TPRG1: variants seen among roughly 807,000 people sequenced by gnomAD.
TPRG1 encodes tumor protein p63-regulated gene 1 protein.
A neutral mutation model predicts 29.3 loss-of-function variants in TPRG1; 29 were observed. The ratio of observed to expected loss-of-function variants is 0.99; its 90% CI spans 0.74 to 1.35. TPRG1 has a LOEUF of 1.35. TPRG1 is among the 40% of genes most tolerant of loss of function. The pLI is 0.00. For missense variants in TPRG1, 327 were observed against 335.0 expected (o/e 0.98, Z 0.19); for synonymous variants, 130 against 116.8 (o/e 1.11, Z -0.73).
chr3:189,103,531 T>C (rs1719451690), intron 1 of TPRG1, among the ~76,000 whole-genome samples: 1 of 152,202 alleles, frequency 6.6e-6, no homozygotes, highest in Non-Finnish European at 1.5e-5. Flanking sequence ...CATGTGTCCT[T>C]ATGAAATATT....
At chr3:189,021,318 T>C (rs1229137918) in intron 3 of TPRG1, among the ~76,000 whole-genome samples, 1 of 151,854 alleles carries the variant, frequency 6.6e-6, no homozygotes, top group Non-Finnish European at 1.5e-5. Flanking sequence ...TGCAGTTTCT[T>C]CCTAGTCTCG....
At chr3:189,146,564 G>A (rs931740096) in intron 3 of TPRG1, among the ~76,000 whole-genome samples, 1 of 152,118 alleles carries the variant, frequency 6.6e-6, no homozygotes, top group African/African-American at 2.4e-5. Context: ...TCTGTCTGTT[G>A]TATCTTGTAC....
chr3:189,006,389 C>T (rs551618909), intron 3 of TPRG1, among the ~76,000 whole-genome samples: 2 of 152,216 alleles, frequency 1.3e-5, no homozygotes, highest in South Asian at 4.1e-4. Flanking sequence ...ATAAATGATG[C>T]AATACAGGCA....
rs566818155 is a variant in TPRG1 at position 189,028,403 on chromosome 3, A to T, written c.-463+4457A>T. Among the ~76,000 whole-genome samples, 3 of 152,320 alleles carry T rather than the reference A, an allele frequency of 2.0e-5. No individual in the cohort carries two copies. In the South Asian group the frequency reaches 6.2e-4, roughly 32 times the overall value. On this transcript the variant is annotated intron_variant, in intron 4 of 10. Transcript: ENST00000433971. ...CAATAGTGTCACAACTATTTCTTCT[A>T]TGGGGGACAGGGTCACTTTTGCTGT...
At chr3:189,057,184 T>G (rs1223320857) in intron 4 of TPRG1, among the ~76,000 whole-genome samples, 1 of 152,166 alleles carries the variant, frequency 6.6e-6, no homozygotes, top group Non-Finnish European at 1.5e-5. Flanking sequence ...GAATCCAAAA[T>G]TGTTTCATAC....
chr3:189,003,972 C>A (rs553658431), intron 2 of TPRG1, among the ~76,000 whole-genome samples: 2 of 152,054 alleles, frequency 1.3e-5, no homozygotes, highest in Admixed American at 6.6e-5. Context: ...ATGGCCCTTG[C>A]CCCTGATTAA....
intron 4 of TPRG1, among the ~76,000 whole-genome samples, chr3:189,080,900 G>C (rs1717548528): frequency 6.6e-6 from 1 of 152,076 alleles, no homozygotes; most frequent in South Asian, 2.1e-4. Flanking sequence ...GTGGCATGCA[G>C]GGTAGATTTG....
chr3:189,026,952 A>T lies in TPRG1; in HGVS notation c.-463+3006A>T, dbSNP rs567981855. On this transcript the variant is annotated intron_variant, in intron 4 of 10. Coordinates refer to the TPRG1 transcript ENST00000433971. ...ATGACTTGTGCCACTTATATATATC[A>T]ATAACTTTAGAAAAATGTCTTTATT... Among the ~76,000 whole-genome samples, 5 of 152,304 alleles carry T rather than the reference A, an allele frequency of 3.3e-5. No individual in the cohort carries two copies. The South Asian group carries it at 1.0e-3, about 32-fold the overall frequency.
intron 4 of TPRG1, among the ~76,000 whole-genome samples, chr3:189,288,938 C>T (rs1033161455): frequency 9.2e-5 from 14 of 152,160 alleles, no homozygotes; most frequent in African/African-American, 2.9e-4. Context: ...TGTATCTGTA[C>T]GTGAGCCTTT....
chr3:189,085,053 T>C (rs1717841922), intron 4 of TPRG1, among the ~76,000 whole-genome samples: 1 of 152,182 alleles, frequency 6.6e-6, no homozygotes, highest in African/African-American at 2.4e-5. Context: ...AAAAATATGA[T>C]TGTGCTGTTT....
At chr3:189,096,437 T>G (rs369977262), upstream of TPRG1, among the ~76,000 whole-genome samples, 284 of 152,332 alleles carry the variant, frequency 1.9e-3, 1 homozygote, top group African/African-American at 6.6e-3. Flanking sequence ...TAGATCTGCA[T>G]GTTTACCTTC....
At chr3:189,030,736 G>A (rs941120975) in intron 4 of TPRG1, among the ~76,000 whole-genome samples, 2 of 152,064 alleles carry the variant, frequency 1.3e-5, no homozygotes, top group Non-Finnish European at 2.9e-5. Context: ...ATGAGGAAGG[G>A]GTCATGGCAG....
intron 4 of TPRG1, among the ~76,000 whole-genome samples, chr3:189,263,946 A>G (rs532605275): frequency 6.6e-6 from 1 of 152,276 alleles, no homozygotes; most frequent in Admixed American, 6.5e-5. Context: ...GAGGCAGGGT[A>G]GGGGCTGGGA....
At chr3:189,284,200 CTTT>C (rs72114782) in intron 4 of TPRG1, among the ~76,000 whole-genome samples, 1 of 146,318 alleles carries the variant, frequency 6.8e-6, no homozygotes. Context: ...CTCACTTTTA[CTTT>C]TTTTTTTTTT....
intron 4 of TPRG1, among the ~76,000 whole-genome samples, chr3:189,030,734 G>C (rs1478916947): frequency 6.6e-6 from 1 of 152,120 alleles, no homozygotes; most frequent in Non-Finnish European, 1.5e-5. Context: ...GTATGAGGAA[G>C]GGGTCATGGC....
At chr3:189,098,339 A>G (rs960786733), upstream of TPRG1, among the ~76,000 whole-genome samples, 7 of 152,198 alleles carry the variant, frequency 4.6e-5, no homozygotes, top group African/African-American at 1.7e-4. Flanking sequence ...CTGTGGTAGG[A>G]GAGCATGATG....
rs191935140 is a variant in TPRG1, at chr3:189,079,680, A to G, written c.-462-47377A>G. ...TTTGTTTCTCTTGGCTTTGATTGAC[A>G]CTCTGCACTCCCCATATCCCAGTAG... On this transcript the variant is annotated intron_variant, in intron 4 of 10. Coordinates refer to the TPRG1 transcript ENST00000433971. 7.2e-5 allele frequency among the ~76,000 whole-genome samples: 11 copies of G among 152,260 alleles called. 1 individual carries two copies. The highest frequency in any genetic ancestry group is 6.5e-5 in the Admixed American group (1 of 15,298).
chr3:189,222,713 A>T (rs948870797), intron 3 of TPRG1, among the ~76,000 whole-genome samples: 2 of 152,224 alleles, frequency 1.3e-5, no homozygotes, highest in Non-Finnish European at 2.9e-5. Context: ...CACTGCTTCC[A>T]TATACGTCTG....
chr3:189,176,534 T>C (rs909418521), intron 1 of TPRG1, among the ~76,000 whole-genome samples: 2 of 152,208 alleles, frequency 1.3e-5, no homozygotes, highest in Non-Finnish European at 2.9e-5. Context: ...CAGTAAAATA[T>C]GTAATATATG....
Sources: gnomAD v4.1 joint callset for allele counts (sites outside exome capture counted in the v4.1 genomes callset) on GRCh38, gnomAD v4.1.1 for gene constraint, MANE v1.5 for transcripts, NCBI Gene and HGNC (gene_info 2026-07-23, HGNC 2026-07-21) for gene names.